The following GNG7 variants were observed in gnomAD, a reference collection of about 807,000 sequenced individuals.
GNG7 encodes guanine nucleotide-binding protein G(I)/G(S)/G(O) subunit gamma-7.
A neutral mutation model predicts 4.0 loss-of-function variants in GNG7; 1 was observed. That is an observed-to-expected ratio of 0.25 (90% CI 0.09 to 1.18). The LOEUF is 1.18. GNG7 is among the 50% of genes most tolerant of loss of function. The pLI, the probability that GNG7 is intolerant of heterozygous loss-of-function variation, is 0.50. For missense variants in GNG7, 86 were observed against 91.9 expected (o/e 0.94, Z 0.26); for synonymous variants, 34 against 36.9 (o/e 0.92, Z 0.29).
intron 2 of GNG7, chr19:2,631,861 G>C (rs185576862): frequency 6.6e-6 from 1 of 152,278 alleles, no homozygotes; most frequent in East Asian, 1.9e-4. Context: ...TCCTTCTTTT[G>C]CTAACTTCTA....
chr19:2,674,837 C>T (rs138643719), intron 1 of GNG7, among the ~76,000 whole-genome samples: 4 of 152,308 alleles, frequency 2.6e-5, no homozygotes, highest in African/African-American at 9.6e-5. Context: ...TCGTAACTCG[C>T]ATTTCCACCC....
chr19:2,577,301 TC>T (rs2144787504), intron 2 of GNG7, among the ~76,000 whole-genome samples: 1 of 152,296 alleles, frequency 6.6e-6, no homozygotes, highest in East Asian at 1.9e-4. Context: ...CATCCAAGGC[TC>T]GCCCGGGGAA....
chr19:2,696,415 A>G (rs901029364), intron 1 of GNG7, among the ~76,000 whole-genome samples: 2 of 152,034 alleles, frequency 1.3e-5, no homozygotes, highest in African/African-American at 4.8e-5. Flanking sequence ...GGAAGAAGGA[A>G]GGAAGGAAGG....
At position 2,536,261 on chromosome 19, in the gene GNG7, C is replaced by T. The variant is rs546818732; in HGVS notation, c.-37-15536G>A. Reference sequence around the variant, plus strand: ...TGAAATCCCGTCTCTACTAAAAATACAAAAACAGTAGCTGGGTGTGGTGGC... The same window carrying T: ...TGAAATCCCGTCTCTACTAAAAATATAAAAACAGTAGCTGGGTGTGGTGGC... On this transcript the variant is annotated intron_variant, in intron 3 of 4. Coordinates refer to ENST00000382159, the MANE Select transcript of GNG7 (RefSeq NM_052847.3). 8.6e-5 allele frequency among the ~76,000 whole-genome samples: 13 copies of T among 151,852 alleles called. No homozygotes were observed. The East Asian group carries it at 2.5e-3, about 29-fold the overall frequency.
intron 3 of GNG7, among the ~76,000 whole-genome samples, chr19:2,548,844 TAA>T (rs1979220481): frequency 6.6e-6 from 1 of 151,230 alleles, no homozygotes; most frequent in African/African-American, 2.4e-5. Flanking sequence ...CTCTCAAGAA[TAA>T]TCTGACCCTA....
At chr19:2,615,107 G>C (rs556363217) in intron 2 of GNG7, among the ~76,000 whole-genome samples, 132 of 152,196 alleles carry the variant, frequency 8.7e-4, no homozygotes, top group Admixed American at 1.7e-3. Context: ...CGCTTTCTAG[G>C]CCACTTTCGG....
At chr19:2,612,453 G>C (rs1355489507) in intron 2 of GNG7, among the ~76,000 whole-genome samples, 1 of 152,028 alleles carries the variant, frequency 6.6e-6, no homozygotes, top group Non-Finnish European at 1.5e-5. Context: ...TTTCATATCG[G>C]GGTGACCCAG....
intron 1 of GNG7, among the ~76,000 whole-genome samples, chr19:2,686,987 C>T (rs1983888684): frequency 6.6e-6 from 1 of 150,882 alleles, no homozygotes; most frequent in Admixed American, 6.6e-5. Context: ...CTCCTGACCT[C>T]GTGATCCGCC....
intron 1 of GNG7, among the ~76,000 whole-genome samples, 189 bp from the exon 2 acceptor site, chr19:2,646,469 T>C (rs1982670222): frequency 6.6e-6 from 1 of 152,116 alleles, no homozygotes; most frequent in African/African-American, 2.4e-5. Flanking sequence ...AGGTGGATCA[T>C]GAGGTCAGAA....
At chr19:2,587,888 AAG>A (rs1980723518) in intron 2 of GNG7, among the ~76,000 whole-genome samples, 1 of 151,074 alleles carries the variant, frequency 6.6e-6, no homozygotes, top group African/African-American at 2.4e-5. Context: ...GGAAGGAAGG[AAG>A]GAAAGAAAAG....
chr19:2,564,138 G>A (rs528731420), intron 2 of GNG7, among the ~76,000 whole-genome samples: 3 of 152,262 alleles, frequency 2.0e-5, no homozygotes, highest in Admixed American at 6.5e-5. Context: ...ATAGTGTCCC[G>A]CAAAAGCTCA....
At chr19:2,597,555 C>T (rs1981059947) in intron 2 of GNG7, among the ~76,000 whole-genome samples, 1 of 150,776 alleles carries the variant, frequency 6.6e-6, no homozygotes, top group Non-Finnish European at 1.5e-5. Context: ...CGAGATCACG[C>T]CACTGCACTC....
rs145034777 is a variant in GNG7 at position 2,687,792 on chromosome 19, G to A, written c.-135+14854C>T. ...AGTTCGAGACCAGCCTGGCCAACAC[G>A]GCGAAACCCCATCTCTACTAAAAAT... On this transcript the variant is annotated intron_variant, in intron 1 of 4. Coordinates refer to ENST00000382159, the MANE Select transcript of GNG7 (RefSeq NM_052847.3). Among the ~76,000 whole-genome samples the A allele has an allele frequency of 5.4e-3, 824 of 151,238 alleles. 7 individuals carry two copies. Among genetic ancestry groups the A allele is most frequent in the Middle Eastern group, 0.027 (8 of 294 alleles).
chr19:2,536,831 G>C (rs1270851501), intron 3 of GNG7, among the ~76,000 whole-genome samples: 2 of 152,188 alleles, frequency 1.3e-5, no homozygotes, highest in Non-Finnish European at 2.9e-5. Flanking sequence ...GTTCTCGGGA[G>C]GGGCTCTCTT....
At position 2,638,365 on chromosome 19, in the gene GNG7, GAGAAA is replaced by G. The variant is rs547618977; in HGVS notation, c.-78+7854_-78+7858del. Among the ~76,000 whole-genome samples, 551 of 139,134 alleles carry G rather than the reference GAGAAA, an allele frequency of 4.0e-3. 11 individuals carry two copies. Among genetic ancestry groups the G allele is most frequent in the African/African-American group, 0.014 (522 of 36,632 alleles). The allele number at this position is 139,134 out of a possible 152,430, so 91.3% of individuals were successfully genotyped here. On this transcript the variant is annotated intron_variant, in intron 2 of 4. Coordinates refer to ENST00000382159, the MANE Select transcript of GNG7 (RefSeq NM_052847.3). Reference sequence around the variant, plus strand: ...TGACAGAGCGAGACTCTGTCAGAAAGAGAAAAGAAAAGAAAAGGGGAAGAGAAGGG... The same window carrying G: ...TGACAGAGCGAGACTCTGTCAGAAAGAGAAAAGAAAAGGGGAAGAGAAGGG...
chr19:2,679,159 C>T (rs1437256873), intron 1 of GNG7, among the ~76,000 whole-genome samples: 4 of 152,074 alleles, frequency 2.6e-5, no homozygotes, highest in Non-Finnish European at 5.9e-5. Context: ...AAGCAATCCT[C>T]CTGCCTCAGC....
At chr19:2,556,377 C>G (rs1279112367) in intron 2 of GNG7, among the ~76,000 whole-genome samples, 1 of 152,226 alleles carries the variant, frequency 6.6e-6, no homozygotes, top group Non-Finnish European at 1.5e-5. Flanking sequence ...CTGCTCGAGG[C>G]CGGGCTGGGC....
At chr19:2,693,326 G>A (rs1408974541) in intron 1 of GNG7, among the ~76,000 whole-genome samples, 2 of 151,030 alleles carry the variant, frequency 1.3e-5, no homozygotes, top group East Asian at 1.9e-4. Flanking sequence ...CGAGGTGGGA[G>A]GATTGCTTGA....
chr19:2,543,823 AG>A (rs1979040355), intron 3 of GNG7, among the ~76,000 whole-genome samples: 1 of 152,084 alleles, frequency 6.6e-6, no homozygotes, highest in African/African-American at 2.4e-5. Flanking sequence ...GGGGTGAGTC[AG>A]CCCCGGGGGA....
Sources: gnomAD v4.1 joint callset for allele counts (sites outside exome capture counted in the v4.1 genomes callset) on GRCh38, gnomAD v4.1.1 for gene constraint, MANE v1.5 for transcripts, NCBI Gene and HGNC (gene_info 2026-07-23, HGNC 2026-07-21) for gene names.